Variants in TYW5 observed in about 807,000 individuals in gnomAD.
TYW5 encodes the protein tRNA-yW synthesizing protein 5.
Under a neutral mutation model 44.4 loss-of-function variants are expected in TYW5, and 36 were observed. That is an observed-to-expected ratio of 0.81 (90% CI 0.62 to 1.07). The LOEUF (loss-of-function observed/expected upper bound fraction) is 1.07, where lower values mean the gene tolerates loss of function less well. TYW5 is among the 50% of genes least tolerant of loss of function. The pLI is 0.00. For missense variants in TYW5, 354 were observed against 365.7 expected (o/e 0.97, Z 0.26); for synonymous variants, 121 against 128.1 (o/e 0.94, Z 0.37).
intron 1 of TYW5, among the ~76,000 whole-genome samples, chr2:199,953,374 A>G (rs1310253484): frequency 2.6e-5 from 4 of 152,198 alleles, no homozygotes; most frequent in Non-Finnish European, 5.9e-5. Flanking sequence ...ATCAATTGTA[A>G]CAAATATACC....
chr2:199,948,273 TAA>T (rs765301080), intron 2 of TYW5, 43 bp downstream of exon 2: 1 of 1,603,552 alleles, frequency 6.2e-7, no homozygotes. Context: ...TAAAAGTTTT[TAA>T]AAAGTTATTT....
chr2:199,933,410 A>G, intron 7 of TYW5, 87 bp from the exon 8 acceptor site: 2 of 1,107,206 alleles, frequency 1.8e-6, no homozygotes, highest in Non-Finnish European at 2.6e-6. Flanking sequence ...CGAATTGCAT[A>G]TAGCCAATGT....
In TYW5 at chr2:199,933,275, T is replaced by C. The variant is rs766190510; in HGVS notation, c.740A>G (p.Asn247Ser). 3 of 1,613,910 alleles carry C rather than the reference T, an allele frequency of 1.9e-6. No homozygotes were observed. Among genetic ancestry groups the C allele is most frequent in the Admixed American group, 1.7e-5 (1 of 59,990 alleles). ...AGATGGAAGGTGCTTCCAAAAGATA[T>C]TCACTCCCACTCCAAACTCTTCAGA... is the stretch of plus-strand genomic sequence containing the variant. ...VISEEFGVGV[N>S]IFWKHLPSEC... The change falls in exon 8 of 8, where the codon AAT (asparagine) becomes AGT (serine). Residue 247 changes from asparagine to serine, a missense_variant. Asn to Ser is a conservative substitution (Grantham distance 46). Transcript: ENST00000354611.
chr2:199,935,868 G>T, intron 7 of TYW5, 63 bp downstream of exon 7: 1 of 1,043,736 alleles, frequency 9.6e-7, no homozygotes, highest in Non-Finnish European at 1.4e-6. Flanking sequence ...AAAATCACAT[G>T]AAGGATGAGT....
rs868861743 is a variant in TYW5, at chr2:199,936,606, T to C, written c.487-114A>G. 4 of 790,378 alleles carry C rather than the reference T, an allele frequency of 5.1e-6. No homozygotes were observed. The Middle Eastern group carries it at 7.2e-4, about 142-fold the overall frequency. The allele number at this position is 790,378 out of a possible 1,614,324, so 49.0% of individuals were successfully genotyped here. A position where few individuals can be genotyped will look rare whatever the true frequency, so the allele number is the denominator to read the frequency against. ...GATCCTTTAATGAGACTTGACTTAC[T>C]TAAGACTCTTACAGTTACCTAACAA... On this transcript the variant is annotated intron_variant, in intron 5 of 7. Transcript: ENST00000354611.
rs1280496055 is a variant in TYW5 at position 199,931,320 on chromosome 2, T to G, written c.*1747A>C. The stretch of plus-strand genomic sequence containing the variant: ...TTTGCTTCTCCATTAAACAATCAAT[T>G]AAGATGACTATTCAGTGCACAAACT... On this transcript the variant is annotated 3_prime_UTR_variant, in exon 8 of 8. Coordinates refer to ENST00000354611, the MANE Select transcript of TYW5 (RefSeq NM_001039693.3). 2 of 152,154 alleles carry G rather than the reference T, an allele frequency of 1.3e-5. No individual in the cohort carries two copies. The highest frequency in any genetic ancestry group is 2.4e-5 in the African/African-American group (1 of 41,440). The allele number at this position is 152,154 out of a possible 1,614,324, so 9.4% of individuals were successfully genotyped here.
At chr2:199,951,544 A>C (rs1463676820) in intron 1 of TYW5, among the ~76,000 whole-genome samples, 1 of 152,144 alleles carries the variant, frequency 6.6e-6, no homozygotes, top group Admixed American at 6.5e-5. Flanking sequence ...CCCCATCCAC[A>C]TTCTTCCATT....
Position 199,932,318 on chromosome 2 carries a change from AATAG to A in TYW5, c.*745_*748del, listed in dbSNP as rs1382648085. ...AAAAATTCTGCTTCTAGGCAAATGT[AATAG>A]ATATTGTGCGTTGCTCATGTTTTTC... On this transcript the variant is annotated 3_prime_UTR_variant, in exon 8 of 8. Transcript: ENST00000354611. The A allele has an allele frequency of 2.6e-5, 4 of 152,164 alleles. No individual in the cohort carries two copies. The highest frequency in any genetic ancestry group is 2.6e-4 in the Admixed American group (4 of 15,274). The allele number at this position is 152,164 out of a possible 1,614,324, so 9.4% of individuals were successfully genotyped here.
chr2:199,942,709 C>T (rs896877153), intron 3 of TYW5: 8 of 152,000 alleles, frequency 5.3e-5, no homozygotes, highest in African/African-American at 1.9e-4. Context: ...TGGCAGTAAT[C>T]TAGTATAACT....
In TYW5 at chr2:199,929,221, A is replaced by G. The variant is rs2077352944; in HGVS notation, c.*3846T>C. On this transcript the variant is annotated 3_prime_UTR_variant, in exon 8 of 8. Coordinates refer to ENST00000354611, the MANE Select transcript of TYW5 (RefSeq NM_001039693.3). ...GGGAGGGGGAAGGGATAGCATTAGG[A>G]GATATACCTAATGTAAATGACGAGT... 6.6e-6 allele frequency among the ~76,000 whole-genome samples: 1 copy of G among 152,118 alleles called. No homozygotes were observed.
In TYW5 at chr2:199,948,151, C is replaced by T. The variant is rs972125771; in HGVS notation, c.233+167G>A. On this transcript the variant is annotated intron_variant, in intron 2 of 7. Transcript: ENST00000354611. ...TGTATAATTATGTAAACTCAGAACT[C>T]TTGTCTTTTAAAAACCACTCTTTAA... The T allele has an allele frequency of 4.7e-6, 3 of 644,118 alleles. No individual in the cohort carries two copies. The African/African-American group carries it at 5.5e-5, about 12-fold the overall frequency. 39.9% of individuals were successfully genotyped at this position (644,118 alleles called of 1,614,324 possible).
chr2:199,955,291 TCCCACA>T, intron 1 of TYW5, 96 bp downstream of exon 1: 1 of 1,368,684 alleles, frequency 7.3e-7, no homozygotes, highest in Non-Finnish European at 1.0e-6. Context: ...TGCGCCTCTT[TCCCACA>T]CCCTGGGTCT....
chr2:199,943,664 G>C (rs2077482431), intron 3 of TYW5, 101 bp downstream of exon 3: 2 of 886,432 alleles, frequency 2.3e-6, no homozygotes, highest in Admixed American at 5.6e-5. Context: ...ATGTCTATCA[G>C]AGACGGCTGT....
At chr2:199,955,236 A>G (rs1031584824) in intron 1 of TYW5, 157 bp downstream of exon 1, 14 of 734,864 alleles carry the variant, frequency 1.9e-5, no homozygotes, top group African/African-American at 3.5e-5. Flanking sequence ...TCCCCCGTGC[A>G]CCTTTCCCTT....
chr2:199,936,058 C>A lies in TYW5; in HGVS notation c.575-11G>T. On this transcript the variant is annotated splice_polypyrimidine_tract_variant and intron_variant, in intron 6 of 7. Transcript: ENST00000354611. Reference sequence around the variant, plus strand: ...CTTCTGATTTAGTACCTAAAAAGTTCCAAAAAGGGATAATATAGATTCAGC... The same window carrying A: ...CTTCTGATTTAGTACCTAAAAAGTTACAAAAAGGGATAATATAGATTCAGC... 2 of 1,437,316 alleles carry A rather than the reference C, an allele frequency of 1.4e-6. No individual in the cohort carries two copies. The highest frequency in any genetic ancestry group is 1.8e-5 in the Admixed American group (1 of 54,194). 89.0% of individuals were successfully genotyped at this position (1,437,316 alleles called of 1,614,324 possible). A position where few individuals can be genotyped will look rare whatever the true frequency, so the allele number is the denominator to read the frequency against.
chr2:199,929,837 T>G lies in TYW5; in HGVS notation c.*3230A>C, dbSNP rs1293440982. On this transcript the variant is annotated 3_prime_UTR_variant, in exon 8 of 8. Transcript: ENST00000354611. ...AATAATTACACTCTGTTTAGTTTTT[T>G]TTTTTGAGACAGGTCTCCCCATGTT... is the stretch of plus-strand genomic sequence containing the variant. 6.6e-6 allele frequency: 1 copy of G among 152,428 alleles called. No homozygotes were observed. The highest frequency in any genetic ancestry group is 6.6e-5 in the Admixed American group (1 of 15,256). The allele number at this position is 152,428 out of a possible 1,614,324, so 9.4% of individuals were successfully genotyped here.
At chr2:199,936,789 C>T (rs1559301316) in intron 5 of TYW5, among the ~76,000 whole-genome samples, 1 of 152,176 alleles carries the variant, frequency 6.6e-6, no homozygotes, top group Admixed American at 6.5e-5. Flanking sequence ...CTATTTAAGG[C>T]TCCCCTTGGT....
intron 5 of TYW5, among the ~76,000 whole-genome samples, chr2:199,937,479 G>A (rs1201743311): frequency 6.6e-6 from 1 of 151,058 alleles, no homozygotes; most frequent in Non-Finnish European, 1.5e-5. Flanking sequence ...CCTGGCCAAC[G>A]TCGCAAAACC....
Position 199,948,373 on chromosome 2 carries a change from T to G in TYW5, c.178A>C (p.Ile60Leu). ...SQVGGKKEVK[I>L]HVAAVAQMDF... ...ATCTGTGCAACTGCAGCAACATGAATCTTTACTTCTTTCTTCCCTCCAACT... is the reference window on the plus strand; with the variant it reads ...ATCTGTGCAACTGCAGCAACATGAAGCTTTACTTCTTTCTTCCCTCCAACT... Residue 60 changes from isoleucine to leucine, a missense_variant, in exon 2 of 8, where the codon ATT (isoleucine) becomes CTT (leucine). Coordinates refer to ENST00000354611, the MANE Select transcript of TYW5 (RefSeq NM_001039693.3). 1.2e-6 allele frequency: 2 copies of G among 1,614,126 alleles called. No homozygotes were observed. The highest frequency in any genetic ancestry group is 1.7e-6 in the Non-Finnish European group (2 of 1,179,982).
Sources: allele counts gnomAD v4.1 joint callset (sites outside exome capture counted in the v4.1 genomes callset), GRCh38; gene constraint gnomAD v4.1.1; transcripts MANE v1.5; gene names NCBI Gene and HGNC (gene_info 2026-07-23, HGNC 2026-07-21).